Variants in CWC27 observed in about 807,000 individuals in gnomAD.
CWC27 encodes spliceosome-associated protein CWC27 homolog.
A neutral mutation model predicts 63.6 loss-of-function variants in CWC27; 47 were observed. The observed-to-expected ratio is 0.74, with a 90% CI of 0.58 to 0.94. The LOEUF (loss-of-function observed/expected upper bound fraction) is 0.94. CWC27 is among the 40% of genes least tolerant of loss of function. The pLI, the probability that CWC27 is intolerant of heterozygous loss-of-function variation, is 0.00. For synonymous variants in CWC27, 175 were observed against 179.8 expected, an observed-to-expected ratio of 0.97 and a Z score of 0.22; for missense variants, 495 against 554.3, an observed-to-expected ratio of 0.89 and a Z score of 1.07.
intron 10 of CWC27, among the ~76,000 whole-genome samples, chr5:64,820,800 A>G (rs1456272833): frequency 6.6e-6 from 1 of 152,136 alleles, no homozygotes; most frequent in East Asian, 1.9e-4. Flanking sequence ...CATAGACCAA[A>G]ACATAAAACT....
chr5:64,929,755 T>C (rs1275680858), intron 11 of CWC27, among the ~76,000 whole-genome samples: 2 of 152,092 alleles, frequency 1.3e-5, no homozygotes, highest in African/African-American at 4.8e-5. Flanking sequence ...GGAAAGCTCA[T>C]ACATTACTGA....
At chr5:65,006,789 G>A (rs1395228427) in intron 13 of CWC27, among the ~76,000 whole-genome samples, 1 of 151,844 alleles carries the variant, frequency 6.6e-6, no homozygotes, top group Non-Finnish European at 1.5e-5. Flanking sequence ...TGTACATCAT[G>A]GAAAGCAAGA....
chr5:65,005,921 A>T (rs1213201), intron 13 of CWC27, among the ~76,000 whole-genome samples: 55,603 of 152,034 alleles, frequency 0.37, 10,879 homozygotes, highest in Non-Finnish European at 0.44. Context: ...AAAACAAAAC[A>T]GCCATTTATA....
Position 64,900,108 on chromosome 5 carries a change from G to A in CWC27, c.1042+14562G>A, listed in dbSNP as rs148261925. Among the ~76,000 whole-genome samples, 74 of 152,302 alleles carry A rather than the reference G, an allele frequency of 4.9e-4. No homozygotes were observed. The Middle Eastern group carries it at 0.01, about 21-fold the overall frequency. On this transcript the variant is annotated intron_variant, in intron 11 of 13. Coordinates refer to ENST00000381070, the MANE Select transcript of CWC27 (RefSeq NM_005869.4). ...TCTGGAAGTGGAATGGCTAAGTCAT[G>A]TGATAGGTGTATGTTCAACTTTTTG...
chr5:64,821,276 G>A (rs961846148), intron 10 of CWC27, among the ~76,000 whole-genome samples: 1 of 151,894 alleles, frequency 6.6e-6, no homozygotes, highest in Non-Finnish European at 1.5e-5. Context: ...GTAGAGACGG[G>A]GTTTCACCAC....
At chr5:64,965,687 A>G (rs572437082) in intron 11 of CWC27, among the ~76,000 whole-genome samples, 2 of 152,286 alleles carry the variant, frequency 1.3e-5, no homozygotes, top group East Asian at 3.9e-4. Context: ...CTGGTTTTGC[A>G]ATCGATTTTT....
At chr5:64,984,327 T>G in intron 13 of CWC27, among the ~76,000 whole-genome samples, 1 of 152,198 alleles carries the variant, frequency 6.6e-6, no homozygotes, top group Non-Finnish European at 1.5e-5. Flanking sequence ...TAGTACCGTA[T>G]CCAGTGCCTG....
At chr5:64,822,960 G>A (rs1745248954) in intron 10 of CWC27, among the ~76,000 whole-genome samples, 1 of 152,128 alleles carries the variant, frequency 6.6e-6, no homozygotes, top group Non-Finnish European at 1.5e-5. Context: ...TTTATTTCTA[G>A]CACTAGGCTA....
intron 10 of CWC27, among the ~76,000 whole-genome samples, chr5:64,878,061 C>G (rs1204787509): frequency 1.3e-5 from 2 of 151,954 alleles, no homozygotes; most frequent in African/African-American, 4.8e-5. Context: ...TTTGATTATG[C>G]ATTTTAGAAA....
chr5:64,852,817 A>G (rs1746168967), intron 10 of CWC27, among the ~76,000 whole-genome samples: 1 of 149,480 alleles, frequency 6.7e-6, no homozygotes, highest in Admixed American at 6.7e-5. Flanking sequence ...TCATATTTTC[A>G]TTTTCAAATA....
intron 13 of CWC27, among the ~76,000 whole-genome samples, chr5:64,998,327 A>G (rs900740298): frequency 1.3e-5 from 2 of 152,034 alleles, no homozygotes; most frequent in African/African-American, 4.8e-5. Flanking sequence ...GTTAAATGTT[A>G]TTGGCTGAGC....
chr5:64,977,175 A>G lies in CWC27; in HGVS notation c.1193A>G (p.Gln398Arg). 6.2e-7 allele frequency: 1 copy of G among 1,612,740 alleles called. No homozygotes were observed. Among genetic ancestry groups the G allele is most frequent in the Non-Finnish European group, 8.5e-7 (1 of 1,179,212 alleles). ...AACCAGTTTAAATCTAAACTCACTC[A>G]AGCAATTGCTGAAACGCCTGAAAAT... ...LLNQFKSKLT[Q>R]AIAETPENDI... Residue 398 changes from glutamine to arginine, a missense_variant, in exon 13 of 14, where the codon CAA becomes CGA. Around this residue, in one of 3 missense-constraint regions of CWC27, gnomAD observed 463 missense variants for 498.1 expected, o/e 0.93. Transcript: ENST00000381070.
intron 10 of CWC27, among the ~76,000 whole-genome samples, chr5:64,881,270 C>T (rs1476896744): frequency 6.6e-5 from 10 of 152,020 alleles, no homozygotes; most frequent in Non-Finnish European, 1.5e-4. Flanking sequence ...CTCTGTCTCA[C>T]CTTGTCATTT....
intron 12 of CWC27, chr5:64,972,677 T>A (rs765459226): frequency 1.6e-4 from 74 of 455,094 alleles, no homozygotes; most frequent in Non-Finnish European, 2.6e-4. Context: ...CTTGTTTTCA[T>A]GAAATCACAA....
chr5:64,805,543 T>C (rs1744639925), intron 10 of CWC27, among the ~76,000 whole-genome samples: 1 of 151,854 alleles, frequency 6.6e-6, no homozygotes, highest in Non-Finnish European at 1.5e-5. Context: ...ATGTGTTTTC[T>C]GATTTTAAAA....
chr5:64,969,685 G>T (rs891380428), intron 11 of CWC27, among the ~76,000 whole-genome samples: 1 of 151,448 alleles, frequency 6.6e-6, no homozygotes, highest in African/African-American at 2.4e-5. Context: ...GGACAAATAT[G>T]ATTTGTCCTC....
intron 11 of CWC27, among the ~76,000 whole-genome samples, chr5:64,944,630 G>A (rs1748551963): frequency 6.6e-6 from 1 of 152,066 alleles, no homozygotes; most frequent in Non-Finnish European, 1.5e-5. Flanking sequence ...AGTTAATTTT[G>A]GAATCGTTTT....
intron 10 of CWC27, among the ~76,000 whole-genome samples, chr5:64,819,311 C>T (rs1232188891): frequency 6.6e-6 from 1 of 152,074 alleles, no homozygotes; most frequent in Non-Finnish European, 1.5e-5. Context: ...CAAGAAACCC[C>T]TCTGACATGT....
At chr5:64,792,151 C>T (rs1256323491) in intron 7 of CWC27, among the ~76,000 whole-genome samples, 1 of 152,058 alleles carries the variant, frequency 6.6e-6, no homozygotes, top group African/African-American at 2.4e-5. Context: ...CATGACTGTC[C>T]TTCACCAACT....
Sources: allele counts gnomAD v4.1 joint callset (sites outside exome capture counted in the v4.1 genomes callset), GRCh38; gene constraint gnomAD v4.1.1; regional missense constraint gnomAD v4.1.1; transcripts MANE v1.5; gene names NCBI Gene and HGNC (gene_info 2026-07-23, HGNC 2026-07-21).